Variants in CEP128 observed in about 807,000 individuals in gnomAD.
CEP128 encodes the protein centrosomal protein 128, also known as centrosomal protein 128kDa.
Under a neutral mutation model 156.7 loss-of-function variants are expected in CEP128, and 132 were observed. The ratio of observed to expected loss-of-function variants is 0.84; its 90% CI spans 0.73 to 0.97. CEP128 has a LOEUF of 0.97. Among genes scored for constraint, CEP128 ranks in the 50% least tolerant of loss-of-function variants. The pLI is 0.00. For missense variants in CEP128, 1,252 were observed against 1,281.9 expected, an observed-to-expected ratio of 0.98 and a Z score of 0.36; for synonymous variants, 469 against 448.9, an observed-to-expected ratio of 1.04 and a Z score of -0.57.
chr14:80,944,316 C>G (rs67065081), upstream of CEP128, among the ~76,000 whole-genome samples: 1 of 151,506 alleles, frequency 6.6e-6, no homozygotes, highest in African/African-American at 2.4e-5. Flanking sequence ...GGGGGAGGAA[C>G]CTTGTGAGGG....
intron 21 of CEP128, among the ~76,000 whole-genome samples, chr14:80,556,395 T>A (rs1890437625): frequency 6.6e-6 from 1 of 152,224 alleles, no homozygotes; most frequent in Non-Finnish European, 1.5e-5. Flanking sequence ...TCTTTCATTC[T>A]ACAAATGTTT....
intron 20 of CEP128, among the ~76,000 whole-genome samples, chr14:80,561,394 G>A (rs567001707): frequency 6.6e-6 from 1 of 152,238 alleles, no homozygotes; most frequent in South Asian, 2.1e-4. Flanking sequence ...ATGCCTCAAG[G>A]GGGCTTTGAT....
At chr14:80,732,471 G>GGTGTGTGTGTGTGTGTGTGT (rs10672093) in intron 19 of CEP128, among the ~76,000 whole-genome samples, 18 of 127,646 alleles carry the variant, frequency 1.4e-4, no homozygotes, top group Admixed American at 1.3e-3. Flanking sequence ...TGATTAAGCA[G>GGTGTGTGTGTGTGTGTGTGT]GTGTGTGTGT....
At position 80,517,394 on chromosome 14, in the gene CEP128, A is replaced by G. The variant is rs139107431; in HGVS notation, c.3072+9475T>C. ...TCTCCCTCTGAGCACTTTTTAGATG[A>G]TCTCACAAATTTGCATAAATTCTGT... On this transcript the variant is annotated intron_variant, in intron 23 of 24. Coordinates refer to ENST00000555265, the MANE Select transcript of CEP128 (RefSeq NM_152446.5). Among the ~76,000 whole-genome samples, 532 of 152,164 alleles carry G rather than the reference A, an allele frequency of 3.5e-3. 4 individuals are homozygous for G. The highest frequency in any genetic ancestry group is 0.012 in the African/African-American group (501 of 41,542).
chr14:80,837,414 A>G (rs2140069804), intron 11 of CEP128, among the ~76,000 whole-genome samples: 1 of 152,332 alleles, frequency 6.6e-6, no homozygotes, highest in South Asian at 2.1e-4. Flanking sequence ...GCAAAACGTT[A>G]TACTTTAAAA....
chr14:80,640,033 T>C (rs565244263), intron 19 of CEP128, among the ~76,000 whole-genome samples: 1 of 152,316 alleles, frequency 6.6e-6, no homozygotes, highest in South Asian at 2.1e-4. Flanking sequence ...TCTCAAACTT[T>C]CATCCTCTGG....
intron 9 of CEP128, among the ~76,000 whole-genome samples, chr14:80,858,788 A>C (rs1887350063): frequency 6.6e-6 from 1 of 152,118 alleles, no homozygotes; most frequent in Non-Finnish European, 1.5e-5. Context: ...CAAAAAACAC[A>C]TGAAAAAATG....
At chr14:80,885,507 C>T (rs932459914) in intron 8 of CEP128, among the ~76,000 whole-genome samples, 1 of 152,172 alleles carries the variant, frequency 6.6e-6, no homozygotes, top group African/African-American at 2.4e-5. Context: ...GGACCTCCAG[C>T]AAACTCCAGC....
intron 23 of CEP128, among the ~76,000 whole-genome samples, chr14:80,512,706 A>C (rs1222324636): frequency 6.6e-6 from 1 of 151,888 alleles, no homozygotes; most frequent in East Asian, 1.9e-4. Context: ...AGTATGTTTT[A>C]ATTTCTTGCT....
chr14:80,522,716 G>A (rs1888799576), intron 23 of CEP128, among the ~76,000 whole-genome samples: 1 of 152,176 alleles, frequency 6.6e-6, no homozygotes, highest in Non-Finnish European at 1.5e-5. Flanking sequence ...GTTACTGGCT[G>A]ACTTTTGAAC....
intron 16 of CEP128, among the ~76,000 whole-genome samples, chr14:80,776,764 T>C (rs1900815852): frequency 6.6e-6 from 1 of 152,060 alleles, no homozygotes; most frequent in Non-Finnish European, 1.5e-5. Flanking sequence ...CTATTAACCA[T>C]ACTTTGATGG....
intron 19 of CEP128, among the ~76,000 whole-genome samples, chr14:80,709,497 A>G (rs543408539): frequency 6.6e-6 from 1 of 152,160 alleles, no homozygotes; most frequent in Non-Finnish European, 1.5e-5. Flanking sequence ...CTTCTTTTTC[A>G]GCATTTTGCT....
chr14:80,507,674 C>A (rs1032826232), intron 23 of CEP128, among the ~76,000 whole-genome samples: 2 of 152,248 alleles, frequency 1.3e-5, no homozygotes, highest in Admixed American at 1.3e-4. Flanking sequence ...CTCACTAACG[C>A]CACAACTGAG....
chr14:80,875,567 T>C (rs149075378), intron 8 of CEP128, among the ~76,000 whole-genome samples: 13 of 152,268 alleles, frequency 8.5e-5, no homozygotes, highest in African/African-American at 2.9e-4. Context: ...GATAAACAGA[T>C]TGATGATTTT....
At position 80,836,228 on chromosome 14, in the gene CEP128, C is replaced by T. The variant is rs1362825728; in HGVS notation, c.1034G>A (p.Gly345Glu). The change falls in exon 12 of 25, where the codon GGG becomes GAG. Residue 345 changes from glycine to glutamate, a missense_variant. By Grantham distance (98) the Gly-to-Glu change is moderately conservative (BLOSUM62 -2). Transcript: ENST00000555265. ...ACCTCTCCTAAATCTCCAGTCCTCC[C>T]CTTGTTCATCCTGATAGTTTGACTG... ...KQQSNYQDEQGEDWRFRRGVE... is the reference protein window; with the variant it reads ...KQQSNYQDEQEEDWRFRRGVE... The T allele has an allele frequency of 1.2e-6, 2 of 1,613,966 alleles. No individual in the cohort carries two copies. The highest frequency in any genetic ancestry group is 8.5e-7 in the Non-Finnish European group (1 of 1,179,862).
At chr14:80,909,225 T>A (rs894133361) in intron 4 of CEP128, among the ~76,000 whole-genome samples, 2 of 152,128 alleles carry the variant, frequency 1.3e-5, no homozygotes, top group Admixed American at 1.3e-4. Context: ...TTTTTCATGT[T>A]TCTAGTTGTT....
At chr14:80,675,605 A>G (rs1896028068) in intron 19 of CEP128, among the ~76,000 whole-genome samples, 1 of 151,978 alleles carries the variant, frequency 6.6e-6, no homozygotes, top group African/African-American at 2.4e-5. Context: ...TTTTCATCTT[A>G]TTGATTTGTA....
intron 14 of CEP128, among the ~76,000 whole-genome samples, chr14:80,791,885 C>A (rs572496950): frequency 6.6e-6 from 1 of 152,076 alleles, no homozygotes; most frequent in Non-Finnish European, 1.5e-5. Context: ...AAATATAATG[C>A]CCTATATTTT....
intron 15 of CEP128, among the ~76,000 whole-genome samples, chr14:80,781,911 T>C (rs1488162776): frequency 6.6e-6 from 1 of 152,200 alleles, no homozygotes; most frequent in Non-Finnish European, 1.5e-5. Flanking sequence ...ATTGTGTTGA[T>C]TATTATACAA....
Sources: gnomAD v4.1 joint callset for allele counts (sites outside exome capture counted in the v4.1 genomes callset) on GRCh38, gnomAD v4.1.1 for gene constraint, MANE v1.5 for transcripts, NCBI Gene and HGNC (gene_info 2026-07-23, HGNC 2026-07-21) for gene names.